The following SUPT6H variants were observed in gnomAD, a reference collection of about 807,000 sequenced individuals.
The protein encoded by SUPT6H is SPT6 homolog, histone chaperone and transcription elongation factor, also known as transcription elongation factor SPT6.
SUPT6H carries 11 observed loss-of-function variants against 222.3 expected under a neutral mutation model. The observed-to-expected ratio is 0.05, with a 90% confidence interval of 0.03 to 0.08. The LOEUF is 0.08. Ranked by LOEUF, SUPT6H falls within the 10% of genes least tolerant of loss-of-function variation. SUPT6H has a pLI of 1.00. For synonymous variants in SUPT6H, 762 were observed against 801.2 expected (o/e 0.95, Z 0.83); for missense variants, 1,422 against 2,216.0 (o/e 0.64, Z 7.19).
Position 28,683,282 on chromosome 17 carries a change from C to A in SUPT6H, c.1893C>A (p.Ala631=), listed in dbSNP as rs756617755. The part of the protein sequence containing the change: ...TKKGRKDVDE[A]HYAYSFKYLK... ...CATGTGTGCAGGATGTGGATGAGGC[C>A]CACTATGCCTATTCCTTCAAGTATT... is the stretch of plus-strand genomic sequence containing the variant. The change falls in exon 16 of 37, where the codon GCC becomes GCA. Residue 631 remains alanine (A), a synonymous_variant. Coordinates refer to ENST00000314616, the MANE Select transcript of SUPT6H (RefSeq NM_003170.5). 1 of 1,614,098 alleles carries A rather than the reference C, an allele frequency of 6.2e-7. No individual in the cohort carries two copies.
chr17:28,665,742 C>A (rs2029974919), intron 1 of SUPT6H, among the ~76,000 whole-genome samples: 1 of 152,016 alleles, frequency 6.6e-6, no homozygotes, highest in Non-Finnish European at 1.5e-5. Flanking sequence ...CAAGCCTGGG[C>A]AATGGAGCGA....
chr17:28,677,594 T>C, intron 7 of SUPT6H, 121 bp from the exon 8 acceptor site: 1 of 736,030 alleles, frequency 1.4e-6, no homozygotes, highest in Non-Finnish European at 2.3e-6. Context: ...GGTATGGCAT[T>C]TGTAGAACAA....
intron 16 of SUPT6H, 38 bp downstream of exon 16, chr17:28,683,460 G>C (rs2031223670): frequency 6.2e-7 from 1 of 1,610,140 alleles, no homozygotes; most frequent in African/African-American, 1.3e-5. Context: ...TCTGGGGAAG[G>C]CCTGATGAGG....
chr17:28,701,090 G>T lies in SUPT6H; in HGVS notation c.4956G>T (p.Gln1652His). Residue 1652 changes from glutamine to histidine, a missense_variant, in exon 36 of 37, where the codon CAG becomes CAT. Transcript: ENST00000314616. ...CACAGTCGGCCCAGGCCCAGCCCCAGCCCTCTTCCAGCTCCCGGCAACGGC... is the reference window on the plus strand; with the variant it reads ...CACAGTCGGCCCAGGCCCAGCCCCATCCCTCTTCCAGCTCCCGGCAACGGC... ...TTPQSAQAQP[Q>H]PSSSSRQRQQ... 6.2e-7 allele frequency: 1 copy of T among 1,613,062 alleles called. No homozygotes were observed. The highest frequency in any genetic ancestry group is 8.5e-7 in the Non-Finnish European group (1 of 1,179,790).
At chr17:28,689,312 C>T in intron 24 of SUPT6H, 42 bp from the exon 25 acceptor site, 1 of 1,600,752 alleles carries the variant, frequency 6.2e-7, no homozygotes, top group Non-Finnish European at 8.6e-7. Flanking sequence ...TTACTAGAAG[C>T]TTATCGTTCT....
chr17:28,663,502 A>G (rs2072104261), intron 1 of SUPT6H, among the ~76,000 whole-genome samples: 1 of 152,178 alleles, frequency 6.6e-6, no homozygotes, highest in African/African-American at 2.4e-5. Flanking sequence ...AGTGTGGTGG[A>G]AACATGATCT....
chr17:28,693,753 C>G lies in SUPT6H; in HGVS notation c.3691C>G (p.Arg1231Gly). 1 of 1,614,190 alleles carries G rather than the reference C, an allele frequency of 6.2e-7. No individual in the cohort carries two copies. The highest frequency in any genetic ancestry group is 8.5e-7 in the Non-Finnish European group (1 of 1,180,028). ...AGGCCAGGCCATCGGTGTCAAAACA[C>G]GGCTAGACAATGGTGTCACCGGCTT... ...CPGQAIGVKT[R>G]LDNGVTGFIP... The change falls in exon 28 of 37, where the codon CGG (arginine) becomes GGG (glycine). Residue 1231 changes from arginine to glycine, a missense_variant. This residue lies in a region of SUPT6H where 39 missense variants were observed against 124.2 expected (regional missense o/e 0.31). Coordinates refer to ENST00000314616, the MANE Select transcript of SUPT6H (RefSeq NM_003170.5).
intron 4 of SUPT6H, 70 bp from the exon 5 acceptor site, chr17:28,674,900 G>A: frequency 1.3e-6 from 2 of 1,532,126 alleles, no homozygotes; most frequent in Non-Finnish European, 1.8e-6. Flanking sequence ...AGAAGGGAGT[G>A]AGACTGGAGA....
chr17:28,683,622 T>C lies in SUPT6H; in HGVS notation c.2035T>C (p.Tyr679His), dbSNP rs1468706484. The stretch of plus-strand genomic sequence containing the variant: ...CCATAGCTTTGTGTCTCTTCTCAGC[T>C]ATGGCAACGACCAGACATATTTTGA... ...ISIDLKGVEG[Y>H]GNDQTYFEEI... The change falls in exon 17 of 37, where the codon TAT becomes CAT. Residue 679 changes from tyrosine to histidine, a missense_variant and splice_region_variant. Transcript: ENST00000314616. 6.2e-7 allele frequency: 1 copy of C among 1,613,744 alleles called. No individual in the cohort carries two copies. The highest frequency in any genetic ancestry group is 8.5e-7 in the Non-Finnish European group (1 of 1,179,732).
chr17:28,684,758 CTCTTG>C, intron 18 of SUPT6H, 33 bp downstream of exon 18: 1 of 1,613,254 alleles, frequency 6.2e-7, no homozygotes, highest in Non-Finnish European at 8.5e-7. Context: ...CCAGCACCAT[CTCTTG>C]TCTTCCTAAT....
intron 13 of SUPT6H, 89 bp from the exon 14 acceptor site, chr17:28,682,638 G>A (rs1264634561): frequency 1.3e-6 from 2 of 1,538,098 alleles, no homozygotes; most frequent in African/African-American, 2.8e-5. Context: ...AAAAAGGCTA[G>A]TTCCCAGAAT....
intron 1 of SUPT6H, among the ~76,000 whole-genome samples, chr17:28,667,582 T>C (rs1480100683): frequency 6.6e-6 from 1 of 150,500 alleles, no homozygotes; most frequent in African/African-American, 2.4e-5. Context: ...TGGAATGTCT[T>C]GTAGCTTAAA....
chr17:28,680,749 T>A (rs1215335125), intron 11 of SUPT6H, among the ~76,000 whole-genome samples: 1 of 152,160 alleles, frequency 6.6e-6, no homozygotes, highest in Non-Finnish European at 1.5e-5. Flanking sequence ...CCTCCCAGGT[T>A]CATACCATCT....
At chr17:28,690,888 A>G (rs1028437466) in intron 26 of SUPT6H, 33 bp from the exon 27 acceptor site, 5 of 1,606,698 alleles carry the variant, frequency 3.1e-6, no homozygotes, top group Non-Finnish European at 4.3e-6. Flanking sequence ...ACATTCTCTG[A>G]GCCTGCTCCC....
chr17:28,701,461 G>A lies in SUPT6H; in HGVS notation c.5017G>A (p.Asp1673Asn). The part of the protein sequence containing the change: ...QPKSNSHAAI[D>N]WGKMAEQWLQ... ...CAGGTCCAACAGCCATGCAGCCATC[G>A]ACTGGGGAAAAATGGCGGAGCAGTG... Residue 1673 changes from aspartate (D) to asparagine (N), a missense_variant, in exon 37 of 37, where the codon GAC becomes AAC. Asp to Asn is a conservative substitution (Grantham distance 23). Transcript: ENST00000314616. The A allele has an allele frequency of 6.2e-7, 1 of 1,614,108 alleles. No individual in the cohort carries two copies. Among genetic ancestry groups the A allele is most frequent in the Non-Finnish European group, 8.5e-7 (1 of 1,180,016 alleles).
In SUPT6H at chr17:28,676,364, A is replaced by G. The variant is rs1243720596; in HGVS notation, c.831A>G (p.Leu277=). Residue 277 remains leucine (L), a synonymous_variant, in exon 7 of 37, where the codon CTA becomes CTG. Transcript: ENST00000314616. ...TTGAAATGTATGAGCCCAGTGAGCT[A>G]GAAAGCAGCCACCTCACAGATCAGG... ...SIFEMYEPSE[L]ESSHLTDQDN... The G allele has an allele frequency of 1.2e-6, 2 of 1,613,884 alleles. No homozygotes were observed. Among genetic ancestry groups the G allele is most frequent in the South Asian group, 1.1e-5 (1 of 91,060 alleles).
At chr17:28,679,671 C>T (rs567100289) in intron 11 of SUPT6H, among the ~76,000 whole-genome samples, 32 of 151,872 alleles carry the variant, frequency 2.1e-4, no homozygotes, top group South Asian at 6.3e-4. Context: ...TGAGCCACTG[C>T]GCCCGGCCGA....
intron 19 of SUPT6H, among the ~76,000 whole-genome samples, chr17:28,685,334 C>T (rs543596800): frequency 1.3e-5 from 2 of 152,046 alleles, no homozygotes; most frequent in Non-Finnish European, 2.9e-5. Context: ...AGAAGACTTT[C>T]AATTCATTTG....
Position 28,686,686 on chromosome 17 carries a change from G to C in SUPT6H, c.2597G>C (p.Arg866Pro). Reference sequence around the variant, plus strand: ...CAGATGTTGATTGAAGATGTGAAGCGCATTGTACATGAGCTGGACCAGGGC... The same window carrying C: ...CAGATGTTGATTGAAGATGTGAAGCCCATTGTACATGAGCTGGACCAGGGC... ...DAQMLIEDVKRIVHELDQGQQ... is the reference protein window; with the variant it reads ...DAQMLIEDVKPIVHELDQGQQ... Residue 866 changes from arginine (R) to proline (P), a missense_variant, in exon 21 of 37, where the codon CGC becomes CCC. Around this residue, in one of 13 missense-constraint regions of SUPT6H, gnomAD observed 294 missense variants for 382.1 expected, o/e 0.77. Coordinates refer to ENST00000314616, the MANE Select transcript of SUPT6H (RefSeq NM_003170.5). 1 of 1,605,842 alleles carries C rather than the reference G, an allele frequency of 6.2e-7. No homozygotes were observed. The highest frequency in any genetic ancestry group is 8.5e-7 in the Non-Finnish European group (1 of 1,177,324).
Sources: gnomAD v4.1 joint callset for allele counts (sites outside exome capture counted in the v4.1 genomes callset) on GRCh38, gnomAD v4.1.1 for gene constraint, gnomAD v4.1.1 regional missense constraint, MANE v1.5 for transcripts, NCBI Gene and HGNC (gene_info 2026-07-23, HGNC 2026-07-21) for gene names.